Variants in WDFY4 observed in about 807,000 individuals in gnomAD.
WDFY4 encodes the protein WDFY family member 4.
Under a neutral mutation model 351.9 loss-of-function variants are expected in WDFY4, and 169 were observed. The ratio of observed to expected loss-of-function variants is 0.48; its 90% CI spans 0.42 to 0.55. The LOEUF is 0.55. WDFY4 is among the 20% of genes least tolerant of loss of function. The probability of loss-of-function intolerance (pLI) is 0.00; values close to 1 mark genes in which losing one functional copy is unlikely to be tolerated. For missense variants in WDFY4, 3,803 were observed against 3,935.6 expected (o/e 0.97, Z 0.90); for synonymous variants, 1,622 against 1,574.6 (o/e 1.03, Z -0.71).
chr10:48,971,486 A>G (rs527775132), intron 57 of WDFY4, among the ~76,000 whole-genome samples: 2 of 149,526 alleles, frequency 1.3e-5, no homozygotes, highest in East Asian at 3.9e-4. Context: ...ACAGAGCGAG[A>G]CTCTGTCTCA....
At chr10:48,975,147 T>G in intron 58 of WDFY4, 106 bp downstream of exon 58, 4 of 1,443,600 alleles carry the variant, frequency 2.8e-6, no homozygotes, top group Non-Finnish European at 3.8e-6. Context: ...CACCCCAGAA[T>G]GCTGAGAGGG....
rs564157650 is a variant in WDFY4, at chr10:48,959,264, A to C, written c.8132-458A>C. 2.6e-5 allele frequency among the ~76,000 whole-genome samples: 4 copies of C among 152,288 alleles called. No homozygotes were observed. In the East Asian group the frequency reaches 7.7e-4, roughly 29 times the overall value. On this transcript the variant is annotated intron_variant, in intron 52 of 61. Transcript: ENST00000325239. ...ACGGAGAGAAAATGCATAAATTATC[A>C]AGTTAGAATGAAGATTCAGTGAGGT...
At chr10:48,961,695 A>C (rs965734890) in intron 53 of WDFY4, among the ~76,000 whole-genome samples, 1 of 152,230 alleles carries the variant, frequency 6.6e-6, no homozygotes, top group Non-Finnish European at 1.5e-5. Context: ...ATCTTGGAGA[A>C]GAAGGGAAGA....
At chr10:48,707,058 A>G (rs950892889) in intron 1 of WDFY4, among the ~76,000 whole-genome samples, 2 of 152,352 alleles carry the variant, frequency 1.3e-5, no homozygotes, top group Non-Finnish European at 2.9e-5. Flanking sequence ...CTTCTAGAGT[A>G]TACTCTCATG....
chr10:48,974,786 T>C lies in WDFY4; in HGVS notation c.8929-76T>C, dbSNP rs1842494134. 1.9e-5 allele frequency: 27 copies of C among 1,398,988 alleles called. 2 individuals carry two copies. The South Asian group carries it at 3.9e-4, about 20-fold the overall frequency. The allele number at this position is 1,398,988 out of a possible 1,614,324, so 86.7% of individuals were successfully genotyped here. ...CATTTCCTCATCCAGCACCCAGCTT[T>C]ATAGGGAGGGTGAAGAATTCCCAAA... is the stretch of plus-strand genomic sequence containing the variant. On this transcript the variant is annotated intron_variant, in intron 57 of 61. Coordinates refer to ENST00000325239, the MANE Select transcript of WDFY4 (RefSeq NM_001394531.1).
At chr10:48,767,297 C>G (rs956072205) in intron 13 of WDFY4, among the ~76,000 whole-genome samples, 3 of 152,212 alleles carry the variant, frequency 2.0e-5, no homozygotes, top group Non-Finnish European at 4.4e-5. Context: ...AGTTCCTGCC[C>G]TGTGTATGGG....
In WDFY4 at chr10:48,873,654, A is replaced by C; in HGVS notation, c.6905A>C (p.Lys2302Thr). 3 of 1,551,868 alleles carry C rather than the reference A, an allele frequency of 1.9e-6. No homozygotes were observed. The highest frequency in any genetic ancestry group is 2.6e-6 in the Non-Finnish European group (3 of 1,147,020). The change falls in exon 41 of 62, where the codon AAA becomes ACA. Residue 2302 changes from lysine (K) to threonine (T), a missense_variant. Physicochemically the swap from Lys to Thr is moderately conservative, Grantham distance 78 (BLOSUM62 -1). This residue lies in a region of WDFY4 where 3,054 missense variants were observed against 3,148.6 expected (regional missense o/e 0.97). Transcript: ENST00000325239. ...CCAGCTCGAATGAGGAAACGCATCA[A>C]ACGCTTGTCTCCTTTGGAGGCCCTG... The part of the protein sequence containing the change: ...EGPARMRKRI[K>T]RLSPLEALSS...
chr10:48,903,491 G>A (rs1225430116), intron 47 of WDFY4, among the ~76,000 whole-genome samples: 1 of 152,190 alleles, frequency 6.6e-6, no homozygotes, highest in Non-Finnish European at 1.5e-5. Flanking sequence ...GAACATGAAA[G>A]CAAAGATAAT....
intron 46 of WDFY4, 36 bp from the exon 47 acceptor site, chr10:48,901,765 T>A: frequency 6.5e-7 from 1 of 1,547,888 alleles, no homozygotes; most frequent in Non-Finnish European, 8.7e-7. Context: ...GGGTCTTGAC[T>A]CTGCTGATGG....
intron 39 of WDFY4, among the ~76,000 whole-genome samples, chr10:48,851,179 C>T (rs541564550): frequency 6.6e-6 from 1 of 152,160 alleles, no homozygotes; most frequent in African/African-American, 2.4e-5. Context: ...AGTCATCCAT[C>T]TAGGGTCAGG....
At chr10:48,935,923 T>G (rs1279336208) in intron 47 of WDFY4, among the ~76,000 whole-genome samples, 3 of 152,122 alleles carry the variant, frequency 2.0e-5, no homozygotes, top group Non-Finnish European at 4.4e-5. Flanking sequence ...TCAGTTTTTT[T>G]CTTACATTAA....
intron 13 of WDFY4, among the ~76,000 whole-genome samples, chr10:48,772,556 T>G (rs1173724415): frequency 6.8e-6 from 1 of 146,012 alleles, no homozygotes; most frequent in Non-Finnish European, 1.5e-5. Flanking sequence ...TTTTTTTTTT[T>G]TTATTATACT....
rs1280979512 is a variant in WDFY4 at position 48,982,512 on chromosome 10, C to A, written c.9492C>A (p.Asn3164Lys). 2.0e-6 allele frequency: 3 copies of A among 1,513,522 alleles called. No homozygotes were observed. Among genetic ancestry groups the A allele is most frequent in the Non-Finnish European group, 2.7e-6 (3 of 1,126,012 alleles). The allele number at this position is 1,513,522 out of a possible 1,614,324, so 93.8% of individuals were successfully genotyped here. The change falls in exon 62 of 62, where the codon AAC becomes AAA. Residue 3164 changes from asparagine (N) to lysine (K), a missense_variant. Transcript: ENST00000325239. ...PAVTALAVSRNHTKLLVGDER... is the reference protein window; with the variant it reads ...PAVTALAVSRKHTKLLVGDER... ...GTCTTTTCTTTCTCTTCCCAAGAAA[C>A]CACACCAAACTCCTGGTTGGTGATG...
intron 47 of WDFY4, among the ~76,000 whole-genome samples, chr10:48,919,397 C>A (rs1404439678): frequency 1.3e-5 from 2 of 152,278 alleles, no homozygotes; most frequent in African/African-American, 2.4e-5. Flanking sequence ...ACGGTTGAAA[C>A]CCTTTCAAAA....
intron 15 of WDFY4, among the ~76,000 whole-genome samples, chr10:48,776,522 GAA>G (rs2066035898): frequency 6.6e-6 from 1 of 152,214 alleles, no homozygotes; most frequent in Non-Finnish European, 1.5e-5. Flanking sequence ...TGGAATGAAA[GAA>G]AAGTTTCTAG....
At chr10:48,912,401 G>A (rs1450775520) in intron 47 of WDFY4, among the ~76,000 whole-genome samples, 3 of 152,164 alleles carry the variant, frequency 2.0e-5, no homozygotes, top group African/African-American at 7.2e-5. Flanking sequence ...GTGCCCAAGG[G>A]GATGCCAAGT....
At chr10:48,968,848 C>T (rs922122069) in intron 55 of WDFY4, 5 of 548,970 alleles carry the variant, frequency 9.1e-6, no homozygotes, top group African/African-American at 3.8e-5. Context: ...ACTCCTGCCC[C>T]GGGGCCCGGC....
intron 39 of WDFY4, among the ~76,000 whole-genome samples, chr10:48,845,070 G>A (rs77282985): frequency 0.02 from 3,078 of 152,238 alleles, 117 homozygotes; most frequent in African/African-American, 0.07. Flanking sequence ...AAGCTCCGGG[G>A]TACAAATGGG....
intron 9 of WDFY4, among the ~76,000 whole-genome samples, chr10:48,732,339 C>A (rs926290333): frequency 6.6e-6 from 1 of 152,160 alleles, no homozygotes; most frequent in Non-Finnish European, 1.5e-5. Flanking sequence ...CTCAGTCTGT[C>A]TACACCTGCT....
Sources: gnomAD v4.1 joint callset for allele counts (sites outside exome capture counted in the v4.1 genomes callset) on GRCh38, gnomAD v4.1.1 for gene constraint, gnomAD v4.1.1 regional missense constraint, MANE v1.5 for transcripts, NCBI Gene and HGNC (gene_info 2026-07-23, HGNC 2026-07-21) for gene names.